The following SCN2A variants were observed in gnomAD, a reference collection of about 807,000 sequenced individuals.
SCN2A encodes sodium voltage-gated channel alpha subunit 2.
A neutral mutation model predicts 188.7 loss-of-function variants in SCN2A; 20 were observed. That is an observed-to-expected ratio of 0.11 (90% CI 0.07 to 0.15). The LOEUF is 0.15. Ranked by LOEUF, SCN2A falls within the 10% of genes least tolerant of loss-of-function variation. The pLI is 1.00. For synonymous variants in SCN2A, 804 were observed against 833.1 expected, an observed-to-expected ratio of 0.97 and a Z score of 0.60; for missense variants, 1,278 against 2,445.0, an observed-to-expected ratio of 0.52 and a Z score of 10.07.
At chr2:165,288,657 T>A (rs2106133158) in intron 1 of SCN2A, among the ~76,000 whole-genome samples, 1 of 152,088 alleles carries the variant, frequency 6.6e-6, no homozygotes, top group East Asian at 1.9e-4. Flanking sequence ...TTCAGAACTG[T>A]CTCCCCATTA....
chr2:165,279,061 A>G (rs1300954278), intron 1 of SCN2A, among the ~76,000 whole-genome samples: 1 of 152,220 alleles, frequency 6.6e-6, no homozygotes, highest in African/African-American at 2.4e-5. Flanking sequence ...AATCTTAGTG[A>G]TGAGAAAACT....
intron 1 of SCN2A, among the ~76,000 whole-genome samples, chr2:165,283,180 A>G (rs1695658185): frequency 6.6e-6 from 1 of 152,206 alleles, no homozygotes; most frequent in African/African-American, 2.4e-5. Context: ...AAGAAGAAAA[A>G]GGAAGGAAAT....
chr2:165,357,898 T>C (rs1430513593), intron 17 of SCN2A, among the ~76,000 whole-genome samples: 1 of 152,192 alleles, frequency 6.6e-6, no homozygotes, highest in Non-Finnish European at 1.5e-5. Flanking sequence ...ATAATCAGTT[T>C]CTAAATGACT....
intron 1 of SCN2A, chr2:165,266,509 C>T (rs919731244): frequency 1.3e-5 from 2 of 152,044 alleles, no homozygotes; most frequent in Non-Finnish European, 2.9e-5. Context: ...TCAAGTTTCC[C>T]AAACAAGAAT....
intron 18 of SCN2A, among the ~76,000 whole-genome samples, chr2:165,365,924 T>C (rs1445969457): frequency 1.3e-5 from 2 of 152,180 alleles, no homozygotes; most frequent in Non-Finnish European, 2.9e-5. Flanking sequence ...TTATATATTG[T>C]AATAGCAATG....
chr2:165,254,860 A>G (rs761833634), intron 1 of SCN2A, among the ~76,000 whole-genome samples: 2 of 151,808 alleles, frequency 1.3e-5, no homozygotes, highest in Non-Finnish European at 3.0e-5. Flanking sequence ...TATTTATTAG[A>G]ACATTTACAA....
Position 165,365,136 on chromosome 2 carries a change from T to C in SCN2A, c.3400-7T>C, listed in dbSNP as rs1469952990. The C allele has an allele frequency of 3.1e-6, 5 of 1,612,188 alleles. No individual in the cohort carries two copies. In the Admixed American group the frequency reaches 5.0e-5, roughly 16 times the overall value. Reference sequence around the variant, plus strand: ...TAAATGTGTTTTTTTGTGGGATTGATTTTCAGAAGCTAAATGCAACTAGTT... The same window carrying C: ...TAAATGTGTTTTTTTGTGGGATTGACTTTCAGAAGCTAAATGCAACTAGTT... On this transcript the variant is annotated splice_region_variant and splice_polypyrimidine_tract_variant and intron_variant, in intron 17 of 26. Coordinates refer to ENST00000375437, the MANE Select transcript of SCN2A (RefSeq NM_001040142.2).
At chr2:165,336,107 A>G (rs1424326776) in intron 14 of SCN2A, among the ~76,000 whole-genome samples, 5 of 151,814 alleles carry the variant, frequency 3.3e-5, no homozygotes, top group Non-Finnish European at 7.4e-5. Flanking sequence ...ACCATTTTTT[A>G]TCAAGGATGT....
At chr2:165,380,571 A>G (rs377396001) in intron 23 of SCN2A, 21 bp from the exon 24 acceptor site, 104 of 1,544,046 alleles carry the variant, frequency 6.7e-5, no homozygotes, top group Admixed American at 1.7e-5. Flanking sequence ...TATAATGGTT[A>G]CAATTCTTCA....
intron 1 of SCN2A, among the ~76,000 whole-genome samples, chr2:165,264,154 A>T (rs558372898): frequency 1.3e-5 from 2 of 152,130 alleles, no homozygotes; most frequent in African/African-American, 2.4e-5. Flanking sequence ...TGTCTGATTC[A>T]TCTGGCTAAA....
intron 16 of SCN2A, among the ~76,000 whole-genome samples, chr2:165,346,069 G>A (rs186142385): frequency 3.3e-5 from 5 of 152,156 alleles, no homozygotes; most frequent in East Asian, 1.9e-4. Context: ...GGTTTCTGCC[G>A]AGAGATCTGC....
Position 165,256,338 on chromosome 2 carries a change from C to G in SCN2A, c.-52+16698C>G, listed in dbSNP as rs555462161. On this transcript the variant is annotated intron_variant, in intron 1 of 26. Coordinates refer to ENST00000375437, the MANE Select transcript of SCN2A (RefSeq NM_001040142.2). ...TTAATGTAAATACTATTCCATAATC[C>G]TGTTTGATTTACAGACTCTTTTTGT... Among the ~76,000 whole-genome samples the G allele has an allele frequency of 3.3e-5, 5 of 152,170 alleles. No homozygotes were observed. In the South Asian group the frequency reaches 1.0e-3, roughly 32 times the overall value.
intron 17 of SCN2A, among the ~76,000 whole-genome samples, chr2:165,356,579 C>A (rs1293669508): frequency 1.3e-5 from 2 of 152,146 alleles, no homozygotes; most frequent in African/African-American, 4.8e-5. Flanking sequence ...TATTTTCACA[C>A]ATGTTTAGTT....
intron 3 of SCN2A, 31 bp from the exon 4 acceptor site, chr2:165,307,817 T>C (rs1463174576): frequency 2.0e-6 from 3 of 1,482,528 alleles, no homozygotes; most frequent in Middle Eastern, 1.7e-4. Context: ...GATTTTTCCA[T>C]TGAACTTTGT....
intron 17 of SCN2A, among the ~76,000 whole-genome samples, chr2:165,359,302 G>A (rs1279777362): frequency 6.6e-6 from 1 of 152,100 alleles, no homozygotes; most frequent in Non-Finnish European, 1.5e-5. Context: ...CTTCAGAAAA[G>A]CATGAGATTT....
At chr2:165,364,091 A>G (rs1559390420) in intron 17 of SCN2A, among the ~76,000 whole-genome samples, 1 of 152,306 alleles carries the variant, frequency 6.6e-6, no homozygotes, top group South Asian at 2.1e-4. Flanking sequence ...ATCTTATTCT[A>G]GTTTAACATA....
chr2:165,243,302 TAG>T (rs1053381774), intron 1 of SCN2A, among the ~76,000 whole-genome samples: 2 of 152,090 alleles, frequency 1.3e-5, no homozygotes, highest in African/African-American at 4.8e-5. Context: ...AGGACTTGTG[TAG>T]AGAGAGTCAA....
intron 1 of SCN2A, among the ~76,000 whole-genome samples, chr2:165,287,134 A>G (rs1053283751): frequency 6.6e-6 from 1 of 152,194 alleles, no homozygotes; most frequent in African/African-American, 2.4e-5. Context: ...AAAAGGAAGT[A>G]AAGTATACTT....
At chr2:165,310,671 C>G in intron 7 of SCN2A, 76 bp downstream of exon 7, 1 of 1,067,054 alleles carries the variant, frequency 9.4e-7, no homozygotes, top group Non-Finnish European at 1.3e-6. Flanking sequence ...GAAATTATCT[C>G]AATTTAGATG....
Sources: gnomAD v4.1 joint callset for allele counts (sites outside exome capture counted in the v4.1 genomes callset) on GRCh38, gnomAD v4.1.1 for gene constraint, MANE v1.5 for transcripts, NCBI Gene and HGNC (gene_info 2026-07-23, HGNC 2026-07-21) for gene names.